The following TAF1 variants were observed in gnomAD, a reference collection of about 807,000 sequenced individuals.
TAF1 encodes transcription initiation factor TFIID subunit 1.
A neutral mutation model predicts 138.5 loss-of-function variants in TAF1; 2 were observed. The ratio of observed to expected loss-of-function variants is 0.01; its 90% CI spans 0.01 to 0.05. The LOEUF (loss-of-function observed/expected upper bound fraction) is 0.05. Ranked by LOEUF, TAF1 falls within the 10% of genes least tolerant of loss-of-function variation. The pLI, the probability that TAF1 is intolerant of heterozygous loss-of-function variation, is 1.00. For missense variants in TAF1, 709 were observed against 1,478.0 expected (o/e 0.48, Z 8.53); for synonymous variants, 437 against 503.2 (o/e 0.87, Z 1.76).
intron 13 of TAF1, among the ~76,000 whole-genome samples, chrX:71,495,556 AG>A (rs1440769074): frequency 8.9e-6 from 1 of 112,078 alleles, no homozygotes; most frequent in Admixed American, 9.5e-5. Context: ...TCCCCTAAGA[AG>A]GTGCAGAGTC....
At chrX:71,391,629 C>CTTT (rs763621504) in intron 18 of TAF1, among the ~76,000 whole-genome samples, 2 of 97,242 alleles carry the variant, frequency 2.1e-5, no homozygotes, top group African/African-American at 3.9e-5. Flanking sequence ...CATATATACT[C>CTTT]TTTTTTTTTT....
chrX:71,437,843 T>G (rs1416162677), intron 32 of TAF1, among the ~76,000 whole-genome samples: 1 of 103,695 alleles, frequency 9.6e-6, no homozygotes, highest in Non-Finnish European at 2.0e-5. Context: ...ACTTTTTTTT[T>G]TTTTTTTTTT....
intron 28 of TAF1, chrX:71,420,260 T>C: frequency 1.0e-6 from 1 of 971,295 alleles, no homozygotes; most frequent in Non-Finnish European, 1.5e-6. Flanking sequence ...TGTTGGTTCA[T>C]TTTGGGATCA....
At chrX:71,508,708 A>G (rs1274102237) in intron 13 of TAF1, among the ~76,000 whole-genome samples, 2 of 105,462 alleles carry the variant, frequency 1.9e-5, no homozygotes, top group Non-Finnish European at 3.9e-5. Flanking sequence ...GAGCTAAGAG[A>G]TAGAAGATAT....
intron 22 of TAF1, among the ~76,000 whole-genome samples, chrX:71,395,878 C>T (rs1370318534): frequency 1.8e-5 from 2 of 111,000 alleles, no homozygotes; most frequent in Non-Finnish European, 3.8e-5. Flanking sequence ...ACATTTGCAG[C>T]CGGGTGTGGT....
rs192003690 is a variant in TAF1, at chrX:71,445,332, C to G, written c.4754-8838C>G. On this transcript the variant is annotated intron_variant, in intron 32 of 37. Coordinates refer to ENST00000423759, the MANE Select transcript of TAF1 (RefSeq NM_004606.5). The stretch of plus-strand genomic sequence containing the variant: ...AAAAAAAAAAAAGTCTTTCCCAGTT[C>G]AGATCACAAAGGTTTTCTCTTATGT... 2.9e-4 allele frequency among the ~76,000 whole-genome samples: 31 copies of G among 105,443 alleles called. No individual in the cohort carries two copies. The East Asian group carries it at 8.9e-3, about 30-fold the overall frequency. 91.6% of individuals were successfully genotyped at this position (105,443 alleles called of 115,157 possible). A position where few individuals can be genotyped will look rare whatever the true frequency, so the allele number is the denominator to read the frequency against.
chrX:71,527,243 G>T (rs1375831407), intron 13 of TAF1, among the ~76,000 whole-genome samples: 2 of 109,100 alleles, frequency 1.8e-5, no homozygotes, highest in East Asian at 5.7e-4. Flanking sequence ...AAAATTAGCT[G>T]GGTGTGGTGG....
chrX:71,418,176 C>A (rs768679663), intron 28 of TAF1, among the ~76,000 whole-genome samples: 35 of 112,292 alleles, frequency 3.1e-4, no homozygotes, highest in Non-Finnish European at 5.4e-4. Flanking sequence ...TCACTGCAGC[C>A]TTGACCTCCT....
chrX:71,396,148 C>CAA (rs1224922684), intron 22 of TAF1, among the ~76,000 whole-genome samples: 1 of 78,224 alleles, frequency 1.3e-5, no homozygotes, highest in Non-Finnish European at 2.5e-5. Context: ...AACTCCGTCT[C>CAA]AAAAAAAAAA....
At position 71,385,037 on chromosome X, in the gene TAF1, C is replaced by T. The variant is rs1353052906; in HGVS notation, c.2214C>T (p.Gly738=). 1.8e-5 allele frequency: 22 copies of T among 1,199,766 alleles called. No homozygotes were observed. The highest frequency in any genetic ancestry group is 2.4e-5 in the Non-Finnish European group (21 of 888,473). ...CTTTCCTGGGTTCTCTCCATCCTGG[C>T]CAATTGCTGCAAGTGAGGAATTCTT... ...TSPFLGSLHP[G]QLLQAFENNL... The change falls in exon 14 of 38, where the codon GGC becomes GGT. Residue 738 remains glycine, a synonymous_variant. Transcript: ENST00000423759.
intron 13 of TAF1, among the ~76,000 whole-genome samples, chrX:71,485,360 G>A (rs1249152063): frequency 8.9e-6 from 1 of 111,745 alleles, no homozygotes; most frequent in Non-Finnish European, 1.9e-5. Flanking sequence ...GTGGAATTAC[G>A]GAGTCATATT....
intron 17 of TAF1, 45 bp downstream of exon 17, chrX:71,388,913 G>GT (rs765645687): frequency 0.058 from 45,248 of 782,045 alleles, no homozygotes; most frequent in East Asian, 0.066. Context: ...GTGGTTTTTT[G>GT]TTTTTTTTTT....
chrX:71,375,114 G>GC (rs2033377137), intron 3 of TAF1, 53 bp from the exon 4 acceptor site: 24 of 1,169,603 alleles, frequency 2.1e-5, no homozygotes, highest in Admixed American at 5.2e-5. Flanking sequence ...GAAGCTTAAG[G>GC]CGGTTGTATA....
chrX:71,386,307 A>T (rs1414998105), intron 14 of TAF1, among the ~76,000 whole-genome samples: 1 of 111,430 alleles, frequency 9.0e-6, no homozygotes, highest in Non-Finnish European at 1.9e-5. Flanking sequence ...GGCTTTCCTT[A>T]GACTCAGGCT....
intron 34 of TAF1, 31 bp downstream of exon 34, chrX:71,454,888 T>C (rs2038211745): frequency 8.3e-7 from 1 of 1,203,250 alleles, no homozygotes; most frequent in Non-Finnish European, 1.1e-6. Flanking sequence ...CTTCCTCATA[T>C]AGTTTTCTTA....
rs768879823 is a variant in TAF1 at position 71,464,158 on chromosome X, A to T, written c.*112A>T. 3.7e-5 allele frequency: 25 copies of T among 668,646 alleles called. No homozygotes were observed. The South Asian group carries it at 6.8e-4, about 18-fold the overall frequency. 55.1% of individuals were successfully genotyped at this position (668,646 alleles called of 1,213,427 possible). On this transcript the variant is annotated 3_prime_UTR_variant, in exon 38 of 38. Transcript: ENST00000423759. ...TATCTGATCCTGAAATCATGAAATT[A>T]ACTAACACCTTAGCCTTTTTAAAAG... is the stretch of plus-strand genomic sequence containing the variant.
chrX:71,492,962 G>C (rs2039323193), intron 13 of TAF1: 1 of 112,587 alleles, frequency 8.9e-6, no homozygotes, highest in South Asian at 3.6e-4. Flanking sequence ...TTGCTCCGCG[G>C]CTGGAAGCGC....
intron 1 of TAF1, 143 bp downstream of exon 1, chrX:71,366,637 C>A (rs752959243): frequency 1.6e-6 from 1 of 629,069 alleles, no homozygotes; most frequent in African/African-American, 2.3e-5. Context: ...CTCATGGGTG[C>A]GGGAGCAACG....
intron 8 of TAF1, among the ~76,000 whole-genome samples, chrX:71,381,258 A>G (rs763536007): frequency 2.7e-5 from 3 of 111,795 alleles, no homozygotes; most frequent in Non-Finnish European, 5.6e-5. Flanking sequence ...TGACTGCAAC[A>G]TTATTTTTAT....
Sources: gnomAD v4.1 joint callset for allele counts (sites outside exome capture counted in the v4.1 genomes callset) on GRCh38, gnomAD v4.1.1 for gene constraint, MANE v1.5 for transcripts, NCBI Gene and HGNC (gene_info 2026-07-23, HGNC 2026-07-21) for gene names.